LIFR: variants seen among roughly 807,000 people sequenced by gnomAD.
LIFR encodes the protein LIF receptor subunit alpha.
In LIFR, 84 loss-of-function variants were observed where a neutral mutation model predicts 122.2. That is an observed-to-expected ratio of 0.69 (90% CI 0.58 to 0.82). The LOEUF (loss-of-function observed/expected upper bound fraction) is 0.82, where lower values mean the gene tolerates loss of function less well. Ranked by LOEUF, LIFR falls within the 40% of genes least tolerant of loss-of-function variation. LIFR has a pLI of 0.00. For synonymous variants in LIFR, 422 were observed against 434.7 expected, an observed-to-expected ratio of 0.97 and a Z score of 0.36; for missense variants, 1,294 against 1,311.6, an observed-to-expected ratio of 0.99 and a Z score of 0.21.
At chr5:38,582,561 C>T (rs995662616) in intron 1 of LIFR, among the ~76,000 whole-genome samples, 2 of 152,138 alleles carry the variant, frequency 1.3e-5, no homozygotes, top group Non-Finnish European at 2.9e-5. Context: ...AAATTATGCA[C>T]ATATAGTGTT....
chr5:38,520,672 C>CATTTATT (rs1305883811), intron 5 of LIFR, among the ~76,000 whole-genome samples: 1 of 152,110 alleles, frequency 6.6e-6, no homozygotes, highest in Non-Finnish European at 1.5e-5. Flanking sequence ...TTCCCAGTAC[C>CATTTATT]ATTTATTGAA....
At chr5:38,591,901 A>G (rs1447672924) in intron 1 of LIFR, among the ~76,000 whole-genome samples, 1 of 152,186 alleles carries the variant, frequency 6.6e-6, no homozygotes, top group Non-Finnish European at 1.5e-5. Flanking sequence ...TGGAGGGTCT[A>G]GTGAAAACCT....
At chr5:38,581,077 G>A (rs1749566018) in intron 1 of LIFR, among the ~76,000 whole-genome samples, 1 of 152,156 alleles carries the variant, frequency 6.6e-6, no homozygotes, top group Non-Finnish European at 1.5e-5. Flanking sequence ...CCAGGGGGTG[G>A]TTGTATTACT....
At chr5:38,546,283 C>T (rs1358253559) in intron 1 of LIFR, among the ~76,000 whole-genome samples, 1 of 152,042 alleles carries the variant, frequency 6.6e-6, no homozygotes, top group East Asian at 1.9e-4. Flanking sequence ...AGGAACAAAA[C>T]TGAATATCCA....
intron 1 of LIFR, among the ~76,000 whole-genome samples, chr5:38,567,553 T>C (rs955539204): frequency 6.6e-6 from 1 of 150,616 alleles, no homozygotes; most frequent in African/African-American, 2.4e-5. Flanking sequence ...TTTTGAAGAC[T>C]GAGTCTCACT....
chr5:38,527,937 C>T (rs77556139), intron 3 of LIFR, among the ~76,000 whole-genome samples: 1,998 of 152,322 alleles, frequency 0.013, 45 homozygotes, highest in African/African-American at 0.045. Context: ...TTCCATGCCT[C>T]TTGCATTCCT....
rs1223651467 is a variant in LIFR at position 38,502,543 on chromosome 5, C to T, written c.1600+94G>A. On this transcript the variant is annotated intron_variant, in intron 11 of 19. Transcript: ENST00000453190. ...CAAAGTGCTGGGATTACAGGTGTGA[C>T]CCACTGCACCCGGCCAACATCTTCT... 23 of 1,049,146 alleles carry T rather than the reference C, an allele frequency of 2.2e-5. No homozygotes were observed. The South Asian group carries it at 2.8e-4, about 13-fold the overall frequency. The allele number at this position is 1,049,146 out of a possible 1,614,324, so 65.0% of individuals were successfully genotyped here.
rs975676683 is a variant in LIFR at position 38,523,364 on chromosome 5, A to G, written c.561+55T>C. The G allele has an allele frequency of 4.7e-6, 7 of 1,486,810 alleles. No homozygotes were observed. In the African/African-American group the frequency reaches 8.5e-5, roughly 18 times the overall value. The allele number at this position is 1,486,810 out of a possible 1,614,324, so 92.1% of individuals were successfully genotyped here. ...TGATACCACCTTAAGGCTTCTTAAA[A>G]AAAATTATTCAGTTTCTTTAATGTC... is the stretch of plus-strand genomic sequence containing the variant. On this transcript the variant is annotated intron_variant, in intron 5 of 19. Transcript: ENST00000453190.
Position 38,503,969 on chromosome 5 carries a change from AT to A in LIFR, c.1437+6del, listed in dbSNP as rs757607554. The A allele has an allele frequency of 2.6e-6, 4 of 1,547,660 alleles. No homozygotes were observed. Among genetic ancestry groups the A allele is most frequent in the Non-Finnish European group, 3.6e-6 (4 of 1,120,590 alleles). The stretch of plus-strand genomic sequence containing the variant: ...AATCACAAAGGAAGTCTTTAAGAGA[AT>A]CTTACCTGCTCTTGTACTGAATTAG... On this transcript the variant is annotated splice_donor_region_variant and intron_variant, in intron 10 of 19. Coordinates refer to ENST00000453190, the MANE Select transcript of LIFR (RefSeq NM_001127671.2).
chr5:38,482,429 A>G (rs1350290004), intron 19 of LIFR, among the ~76,000 whole-genome samples, 160 bp downstream of exon 19: 1 of 151,700 alleles, frequency 6.6e-6, no homozygotes, highest in African/African-American at 2.4e-5. Flanking sequence ...AGCACTGTAT[A>G]ATTTAAAATT....
intron 10 of LIFR, 58 bp from the exon 11 acceptor site, chr5:38,502,857 A>C: frequency 9.9e-7 from 1 of 1,005,238 alleles, no homozygotes; most frequent in East Asian, 2.8e-5. Flanking sequence ...GAATACATAT[A>C]TATATACATA....
chr5:38,594,648 T>C (rs1297638155), intron 1 of LIFR, among the ~76,000 whole-genome samples: 4 of 152,084 alleles, frequency 2.6e-5, no homozygotes, highest in African/African-American at 9.6e-5. Context: ...TAATGAAAAA[T>C]AAAAAGGGAA....
At position 38,524,987 on chromosome 5, in the gene LIFR, T is replaced by C. The variant is rs1264509254; in HGVS notation, c.398-1405A>G. Among the ~76,000 whole-genome samples, 6 of 152,134 alleles carry C rather than the reference T, an allele frequency of 3.9e-5. No homozygotes were observed. In the East Asian group the frequency reaches 1.2e-3, roughly 29 times the overall value. ...CACTGGCGAGGCTACTGTTAATATC[T>C]GAGAAAGAAGTTTAGGAGAACAGTG... On this transcript the variant is annotated intron_variant, in intron 4 of 19. Coordinates refer to ENST00000453190, the MANE Select transcript of LIFR (RefSeq NM_001127671.2).
chr5:38,501,005 T>G (rs1316540657), intron 11 of LIFR, among the ~76,000 whole-genome samples: 1 of 152,194 alleles, frequency 6.6e-6, no homozygotes, highest in Non-Finnish European at 1.5e-5. Context: ...TTTAGCCACA[T>G]GAGTGAACCA....
rs1744031187 is a variant in LIFR at position 38,482,183 on chromosome 5, A to G, written c.2706T>C (p.Pro902=). The change falls in exon 20 of 20, where the codon CCT becomes CCC. Residue 902 remains proline, a synonymous_variant. Coordinates refer to ENST00000453190, the MANE Select transcript of LIFR (RefSeq NM_001127671.2). ...GAACCTCAACATTATTTGGGGTACAAGGATTCATTTCCAATGTTTTAAGAG... is the reference window on the plus strand; with the variant it reads ...GAACCTCAACATTATTTGGGGTACAGGGATTCATTTCCAATGTTTTAAGAG... ...SSALKTLEMN[P]CTPNNVEVLE... 1.3e-6 allele frequency: 2 copies of G among 1,596,650 alleles called. No individual in the cohort carries two copies. Among genetic ancestry groups the G allele is most frequent in the Non-Finnish European group, 1.7e-6 (2 of 1,175,468 alleles).
intron 16 of LIFR, among the ~76,000 whole-genome samples, chr5:38,487,313 G>C: frequency 6.6e-6 from 1 of 152,188 alleles, no homozygotes; most frequent in East Asian, 1.9e-4. Context: ...CTCTCACGTT[G>C]GTTGACAGAC....
intron 1 of LIFR, among the ~76,000 whole-genome samples, chr5:38,567,493 T>C (rs1443947728): frequency 1.4e-5 from 2 of 146,146 alleles, no homozygotes; most frequent in African/African-American, 2.5e-5. Context: ...ATATGACCAT[T>C]CTGTATTTAT....
At position 38,482,959 on chromosome 5, in the gene LIFR, G is replaced by T. The variant is rs371428406; in HGVS notation, c.2592-292C>A. Among the ~76,000 whole-genome samples, 13 of 152,298 alleles carry T rather than the reference G, an allele frequency of 8.5e-5. No individual in the cohort carries two copies. In the East Asian group the frequency reaches 2.1e-3, roughly 25 times the overall value. Reference sequence around the variant, plus strand: ...TTGTGGCTGTGCCATCTAGTCCAAAGGATCTGGACTATGTAAGAACAGCTG... The same window carrying T: ...TTGTGGCTGTGCCATCTAGTCCAAATGATCTGGACTATGTAAGAACAGCTG... On this transcript the variant is annotated intron_variant, in intron 18 of 19. Transcript: ENST00000453190.
At chr5:38,547,916 T>C (rs931098704) in intron 1 of LIFR, among the ~76,000 whole-genome samples, 2 of 152,116 alleles carry the variant, frequency 1.3e-5, no homozygotes, top group Non-Finnish European at 2.9e-5. Context: ...ACGGAAGTAT[T>C]TGGGTATCTA....
Sources: gnomAD v4.1 joint callset for allele counts (sites outside exome capture counted in the v4.1 genomes callset) on GRCh38, gnomAD v4.1.1 for gene constraint, MANE v1.5 for transcripts, NCBI Gene and HGNC (gene_info 2026-07-23, HGNC 2026-07-21) for gene names.